The following ADAMTS9 variants were observed in gnomAD, a reference collection of about 807,000 sequenced individuals.
ADAMTS9 encodes the protein ADAM metallopeptidase with thrombospondin type 1 motif 9.
In ADAMTS9, 107 loss-of-function variants were observed where a neutral mutation model predicts 257.1. That is an observed-to-expected ratio of 0.42 (90% CI 0.36 to 0.49). The LOEUF is 0.49. Ranked by LOEUF, ADAMTS9 falls within the 20% of genes least tolerant of loss-of-function variation. The probability of loss-of-function intolerance (pLI) is 0.03; values close to 1 mark genes in which losing one functional copy is unlikely to be tolerated. For missense variants in ADAMTS9, 2,353 were observed against 2,469.1 expected (o/e 0.95, Z 1.00); for synonymous variants, 982 against 880.9 (o/e 1.11, Z -2.03).
At chr3:64,537,814 C>A (rs937553728) in intron 37 of ADAMTS9, among the ~76,000 whole-genome samples, 9 of 152,192 alleles carry the variant, frequency 5.9e-5, no homozygotes, top group African/African-American at 2.2e-4. Flanking sequence ...AGTTCTCCTG[C>A]CCAGAATCAC....
At chr3:64,557,537 T>C (rs2083355958) in intron 30 of ADAMTS9, among the ~76,000 whole-genome samples, 1 of 152,154 alleles carries the variant, frequency 6.6e-6, no homozygotes, top group Non-Finnish European at 1.5e-5. Context: ...CGGGTGATAT[T>C]AGAAGCCCAA....
At position 64,633,871 on chromosome 3, in the gene ADAMTS9, T is replaced by A. The variant is rs752350922; in HGVS notation, c.1865A>T (p.Asn622Ile). The change falls in exon 13 of 40, where the codon AAT becomes ATT. Residue 622 changes from asparagine to isoleucine, a missense_variant. By Grantham distance (149) the Asn-to-Ile change is moderately radical. This residue lies in a region of ADAMTS9 where 360 missense variants were observed against 458.1 expected (regional missense o/e 0.79). Coordinates refer to ENST00000498707, the MANE Select transcript of ADAMTS9 (RefSeq NM_182920.2). Reference protein sequence around the residue: ...IRECNRPEPKNGGKYCVGRRM... With the variant: ...IRECNRPEPKIGGKYCVGRRM... ...ACGTCCTACACAGTATTTTCCACCA[T>A]TTTTTGGTCTGAAAAAGAAAAAATG... The A allele has an allele frequency of 3.1e-6, 5 of 1,611,346 alleles. No individual in the cohort carries two copies. In the East Asian group the frequency reaches 8.9e-5, roughly 29 times the overall value.
chr3:64,670,975 T>C (rs1365146238), intron 3 of ADAMTS9, among the ~76,000 whole-genome samples: 1 of 152,160 alleles, frequency 6.6e-6, no homozygotes, highest in East Asian at 1.9e-4. Flanking sequence ...TTGAAAAATA[T>C]ATTGGCAGTT....
rs190929484 is a variant in ADAMTS9 at position 64,625,383 on chromosome 3, G to A, written c.2390-2797C>T. ...TTTCACCACTCAGGAGAGAAGCAAT[G>A]TGTACACAGAAGAGGTTCCAAGGAT... On this transcript the variant is annotated intron_variant, in intron 16 of 39. Coordinates refer to ENST00000498707, the MANE Select transcript of ADAMTS9 (RefSeq NM_182920.2). 1.3e-3 allele frequency among the ~76,000 whole-genome samples: 195 copies of A among 152,302 alleles called. 1 individual carries two copies. Among genetic ancestry groups the A allele is most frequent in the African/African-American group, 4.4e-3 (181 of 41,580 alleles).
intron 3 of ADAMTS9, among the ~76,000 whole-genome samples, chr3:64,676,764 AT>A (rs1264130585): frequency 6.6e-6 from 1 of 152,162 alleles, no homozygotes; most frequent in East Asian, 1.9e-4. Flanking sequence ...CCTTTACACA[AT>A]TGTCTGATTA....
At chr3:64,561,271 C>A (rs1334140108) in intron 30 of ADAMTS9, 4 of 241,818 alleles carry the variant, frequency 1.7e-5, no homozygotes, top group African/African-American at 6.8e-5. Flanking sequence ...TCTATCTCCC[C>A]CTCCTTCTGT....
At chr3:64,622,160 C>G in intron 18 of ADAMTS9, 38 bp downstream of exon 18, 1 of 1,558,232 alleles carries the variant, frequency 6.4e-7, no homozygotes, top group Non-Finnish European at 8.7e-7. Flanking sequence ...ATAAAATAAA[C>G]TTCTCAAATC....
At chr3:64,559,941 T>C (rs188630009) in intron 30 of ADAMTS9, among the ~76,000 whole-genome samples, 52 of 152,202 alleles carry the variant, frequency 3.4e-4, no homozygotes, top group African/African-American at 1.3e-3. Context: ...CAGGCCATGG[T>C]AGGTCTGAAA....
chr3:64,560,950 T>A (rs2083410613), intron 30 of ADAMTS9, among the ~76,000 whole-genome samples: 1 of 152,176 alleles, frequency 6.6e-6, no homozygotes, highest in African/African-American at 2.4e-5. Flanking sequence ...GGCCAAACTT[T>A]TCCCCATGGA....
At chr3:64,557,529 G>A (rs185753098) in intron 30 of ADAMTS9, among the ~76,000 whole-genome samples, 249 of 152,250 alleles carry the variant, frequency 1.6e-3, no homozygotes, top group African/African-American at 5.7e-3. Flanking sequence ...GAAGCTGGCG[G>A]GTGATATTAG....
chr3:64,638,367 C>A (rs1700552827), intron 12 of ADAMTS9, among the ~76,000 whole-genome samples: 1 of 152,156 alleles, frequency 6.6e-6, no homozygotes, highest in Non-Finnish European at 1.5e-5. Flanking sequence ...AAAGCTCAGT[C>A]TGGTTTTGGT....
chr3:64,614,099 C>T (rs1296079786), intron 21 of ADAMTS9, among the ~76,000 whole-genome samples: 1 of 152,078 alleles, frequency 6.6e-6, no homozygotes, highest in Non-Finnish European at 1.5e-5. Context: ...TAACCATTAT[C>T]AATATTTTAT....
intron 30 of ADAMTS9, among the ~76,000 whole-genome samples, chr3:64,558,879 A>C (rs2083377701): frequency 6.6e-6 from 1 of 152,088 alleles, no homozygotes; most frequent in African/African-American, 2.4e-5. Flanking sequence ...CCTGTGGCAC[A>C]CTCTCTGACC....
intron 3 of ADAMTS9, among the ~76,000 whole-genome samples, chr3:64,676,110 A>T (rs889266638): frequency 6.6e-6 from 1 of 152,182 alleles, no homozygotes; most frequent in Admixed American, 6.5e-5. Context: ...GAGAGATTCA[A>T]CTTTAACCAG....
intron 27 of ADAMTS9, among the ~76,000 whole-genome samples, chr3:64,594,846 G>A (rs1393251856): frequency 6.6e-6 from 1 of 152,014 alleles, no homozygotes; most frequent in Non-Finnish European, 1.5e-5. Context: ...GAATGCAGTG[G>A]CACGATCTCG....
intron 28 of ADAMTS9, chr3:64,588,690 A>G (rs987621958): frequency 2.6e-5 from 4 of 152,024 alleles, no homozygotes; most frequent in African/African-American, 9.7e-5. Context: ...TGCTCCCCCA[A>G]CCTGTGGACT....
intron 30 of ADAMTS9, among the ~76,000 whole-genome samples, chr3:64,557,975 G>T (rs575489251): frequency 1.3e-5 from 2 of 152,260 alleles, no homozygotes; most frequent in South Asian, 4.1e-4. Flanking sequence ...CAATGAACAG[G>T]AAGTCCACTG....
At chr3:64,632,791 T>C (rs888317232) in intron 14 of ADAMTS9, among the ~76,000 whole-genome samples, 3 of 146,776 alleles carry the variant, frequency 2.0e-5, no homozygotes, top group Admixed American at 1.4e-4. Flanking sequence ...ATCAAATCCT[T>C]CCAACCAGGA....
At chr3:64,554,243 G>A (rs1304720401) in intron 30 of ADAMTS9, among the ~76,000 whole-genome samples, 3 of 152,182 alleles carry the variant, frequency 2.0e-5, no homozygotes, top group African/African-American at 4.8e-5. Context: ...GTTAACTACT[G>A]TAAAGACTAT....
Sources: allele counts gnomAD v4.1 joint callset (sites outside exome capture counted in the v4.1 genomes callset), GRCh38; gene constraint gnomAD v4.1.1; regional missense constraint gnomAD v4.1.1; transcripts MANE v1.5; gene names NCBI Gene and HGNC (gene_info 2026-07-23, HGNC 2026-07-21).